Variants in CHL1 observed in about 807,000 individuals in gnomAD.
CHL1 encodes the protein cell adhesion molecule L1 like.
A neutral mutation model predicts 141.9 loss-of-function variants in CHL1; 96 were observed. The ratio of observed to expected loss-of-function variants is 0.68; its 90% confidence interval spans 0.57 to 0.80. The LOEUF (loss-of-function observed/expected upper bound fraction) is 0.80. Ranked by LOEUF, CHL1 falls within the 30% of genes least tolerant of loss-of-function variation. The pLI, the probability that CHL1 is intolerant of heterozygous loss-of-function variation, is 0.00. For missense variants in CHL1, 1,820 were observed against 1,457.2 expected (o/e 1.25, Z -4.05); for synonymous variants, 613 against 502.2 (o/e 1.22, Z -2.95).
At chr3:273,357 G>T (rs1695806920) in intron 2 of CHL1, among the ~76,000 whole-genome samples, 1 of 152,174 alleles carries the variant, frequency 6.6e-6, no homozygotes, top group Admixed American at 6.5e-5. Flanking sequence ...CCTTACCCAA[G>T]AACCTGAATC....
intron 1 of CHL1, among the ~76,000 whole-genome samples, chr3:242,382 G>C (rs1307409482): frequency 2.0e-4 from 28 of 142,926 alleles, no homozygotes; most frequent in East Asian, 8.6e-4. Context: ...AGATCACGAG[G>C]TCAGGAGATC....
chr3:303,795 C>G (rs1182002122), intron 2 of CHL1, among the ~76,000 whole-genome samples: 4 of 152,140 alleles, frequency 2.6e-5, no homozygotes, highest in Non-Finnish European at 5.9e-5. Context: ...GCATCCTTGT[C>G]TTGTGCTGGT....
chr3:363,129 T>A, intron 13 of CHL1, 88 bp from the exon 14 acceptor site: 3 of 1,103,576 alleles, frequency 2.7e-6, no homozygotes, highest in Non-Finnish European at 3.9e-6. Flanking sequence ...TGAAAGGGGA[T>A]TAGCCTGAAT....
At chr3:238,059 A>G (rs1692169280) in intron 1 of CHL1, among the ~76,000 whole-genome samples, 2 of 152,204 alleles carry the variant, frequency 1.3e-5, no homozygotes, top group African/African-American at 4.8e-5. Flanking sequence ...GACATATTGA[A>G]GAATTTCTGT....
intron 7 of CHL1, 100 bp downstream of exon 7, chr3:342,182 G>C (rs1463588678): frequency 9.4e-7 from 1 of 1,063,030 alleles, no homozygotes; most frequent in Middle Eastern, 2.8e-4. Flanking sequence ...TTGATATTTT[G>C]CACCATTGTG....
intron 20 of CHL1, among the ~76,000 whole-genome samples, chr3:389,879 A>C (rs918628659): frequency 6.6e-6 from 1 of 152,148 alleles, no homozygotes; most frequent in Non-Finnish European, 1.5e-5. Context: ...GCATGTCTGG[A>C]GCTTTCCTAA....
At chr3:337,180 C>CTTTTTTTTTTTTTTTTTT (rs1490013935) in intron 5 of CHL1, among the ~76,000 whole-genome samples, 1 of 113,288 alleles carries the variant, frequency 8.8e-6, no homozygotes, top group African/African-American at 3.4e-5. Context: ...TCCAAACATT[C>CTTTTTTTTTTTTTTTTTT]TTTTGTTTTT....
At chr3:305,014 T>G (rs1699103331) in intron 2 of CHL1, among the ~76,000 whole-genome samples, 1 of 152,122 alleles carries the variant, frequency 6.6e-6, no homozygotes, top group Admixed American at 6.5e-5. Context: ...CGGATAAACT[T>G]TATTTCGTTT....
At chr3:324,761 C>T (rs758723056) in intron 3 of CHL1, among the ~76,000 whole-genome samples, 4 of 151,878 alleles carry the variant, frequency 2.6e-5, no homozygotes, top group South Asian at 2.1e-4. Context: ...TTAATTTTTA[C>T]ATTTTTTTGT....
intron 11 of CHL1, among the ~76,000 whole-genome samples, chr3:356,591 C>T (rs1471213612): frequency 6.6e-6 from 1 of 152,100 alleles, no homozygotes; most frequent in Non-Finnish European, 1.5e-5. Context: ...AGGTTCAGGA[C>T]CCAGAGTTGC....
At chr3:205,160 G>C (rs1292676477) in intron 1 of CHL1, among the ~76,000 whole-genome samples, 1 of 148,956 alleles carries the variant, frequency 6.7e-6, no homozygotes, top group Non-Finnish European at 1.5e-5. Context: ...TGGAGCGCTG[G>C]AGTACAGTGG....
chr3:379,032 G>A (rs1271762117), intron 16 of CHL1, among the ~76,000 whole-genome samples: 1 of 152,078 alleles, frequency 6.6e-6, no homozygotes, highest in Non-Finnish European at 1.5e-5. Flanking sequence ...AAAAGTGTTG[G>A]TTTTGCCTAC....
At chr3:396,445 A>T (rs1708675153) in intron 24 of CHL1, among the ~76,000 whole-genome samples, 1 of 152,190 alleles carries the variant, frequency 6.6e-6, no homozygotes, top group African/African-American at 2.4e-5. Context: ...TTGGAAGCAC[A>T]TGAGAAAAAA....
At chr3:363,520 T>G in intron 14 of CHL1, 137 bp downstream of exon 14, 1 of 699,284 alleles carries the variant, frequency 1.4e-6, no homozygotes, top group Non-Finnish European at 2.3e-6. Flanking sequence ...ATTCCTAGAA[T>G]GGGTTTCATC....
intron 3 of CHL1, among the ~76,000 whole-genome samples, chr3:324,542 A>G (rs571020991): frequency 6.6e-6 from 1 of 152,182 alleles, no homozygotes; most frequent in African/African-American, 2.4e-5. Flanking sequence ...TTTATTTTAT[A>G]GTTGTAATTC....
At chr3:401,001 A>T (rs1314803846) in intron 26 of CHL1, among the ~76,000 whole-genome samples, 2 of 147,278 alleles carry the variant, frequency 1.4e-5, no homozygotes, top group South Asian at 2.1e-4. Flanking sequence ...TCCCAGGCTC[A>T]GGTGATCCTC....
At chr3:284,424 G>C (rs1229345067) in intron 2 of CHL1, among the ~76,000 whole-genome samples, 4 of 152,162 alleles carry the variant, frequency 2.6e-5, no homozygotes, top group African/African-American at 9.7e-5. Context: ...CCATATTTGT[G>C]AAAAACACCA....
At chr3:203,790 A>T (rs1239635420) in intron 1 of CHL1, among the ~76,000 whole-genome samples, 2 of 152,234 alleles carry the variant, frequency 1.3e-5, no homozygotes, top group Non-Finnish European at 2.9e-5. Flanking sequence ...AGGCAGTAAG[A>T]CGGCAAGGGA....
At chr3:248,758 CAGAGA>C (rs1321501179) in intron 2 of CHL1, among the ~76,000 whole-genome samples, 1 of 151,982 alleles carries the variant, frequency 6.6e-6, no homozygotes, top group Non-Finnish European at 1.5e-5. Context: ...TACTGCATTG[CAGAGA>C]AAAGACTGAC....
Sources: gnomAD v4.1 joint callset for allele counts (sites outside exome capture counted in the v4.1 genomes callset) on GRCh38, gnomAD v4.1.1 for gene constraint, MANE v1.5 for transcripts, NCBI Gene and HGNC (gene_info 2026-07-23, HGNC 2026-07-21) for gene names.